Variants in OTOGL observed in about 807,000 individuals in gnomAD.
OTOGL encodes otogelin like.
In OTOGL, 285 loss-of-function variants were observed where a neutral mutation model predicts 318.5. That is an observed-to-expected ratio of 0.89 (90% CI 0.81 to 0.99). The LOEUF is 0.99. Among genes scored for constraint, OTOGL ranks in the 50% least tolerant of loss-of-function variants. OTOGL has a pLI of 0.00. For missense variants in OTOGL, 2,899 were observed against 2,845.6 expected (o/e 1.02, Z -0.43); for synonymous variants, 987 against 936.5 (o/e 1.05, Z -0.99).
Position 80,329,056 on chromosome 12 carries a change from C to T in OTOGL, c.4285C>T (p.Pro1429Ser). The change falls in exon 37 of 59, where the codon CCT becomes TCT. Residue 1429 changes from proline to serine, a missense_variant. Transcript: ENST00000547103. ...LKCVYPRDCI[P>S]VIPTEPTLMP... The stretch of plus-strand genomic sequence containing the variant: ...GCACCTTTGTTTCTTTGTAGGTATA[C>T]CTGTGATTCCCACAGAACCAACATT... 1.3e-6 allele frequency: 2 copies of T among 1,581,818 alleles called. No homozygotes were observed. The highest frequency in any genetic ancestry group is 1.7e-6 in the Non-Finnish European group (2 of 1,169,348).
intron 7 of OTOGL, among the ~76,000 whole-genome samples, chr12:80,224,959 A>T (rs1878692083): frequency 6.6e-6 from 1 of 152,062 alleles, no homozygotes; most frequent in Admixed American, 6.6e-5. Flanking sequence ...TTTCTCCATG[A>T]TGTGATTATG....
In OTOGL at chr12:80,339,298, GTTTTTTTTT is replaced by G. The variant is rs10715159; in HGVS notation, c.5050+51_5050+59del. 998 of 537,928 alleles carry G rather than the reference GTTTTTTTTT, an allele frequency of 1.9e-3. 2 individuals carry two copies. Among genetic ancestry groups the G allele is most frequent in the Non-Finnish European group, 2.3e-3 (887 of 391,148 alleles). 33.3% of individuals were successfully genotyped at this position (537,928 alleles called of 1,614,324 possible). On this transcript the variant is annotated intron_variant, in intron 43 of 58. Transcript: ENST00000547103. ...TGCCCTTCAAATCTTGATTTCGTCT[GTTTTTTTTT>G]TTTTTTTTTTTTTTTTCTATTCACG...
intron 26 of OTOGL, among the ~76,000 whole-genome samples, chr12:80,295,788 T>C (rs541942464): frequency 1.6e-4 from 25 of 152,344 alleles, no homozygotes; most frequent in African/African-American, 6.0e-4. Context: ...ATGTTCGTTT[T>C]ATTTAATTAT....
At position 80,336,463 on chromosome 12, in the gene OTOGL, A is replaced by C. The variant is rs374608830; in HGVS notation, c.4651A>C (p.Asn1551His). The stretch of plus-strand genomic sequence containing the variant: ...GAGCATTATTACATTTGATGGAAAC[A>C]ACGCAGCATTATATAGCATGGCTTC... ...ELSIITFDGN[N>H]AALYSMASYI... Residue 1551 changes from asparagine (N) to histidine (H), a missense_variant, in exon 40 of 59, where the codon AAC becomes CAC. Physicochemically the swap from Asn to His is moderately conservative, Grantham distance 68. Coordinates refer to ENST00000547103, the MANE Select transcript of OTOGL (RefSeq NM_001378609.3). The C allele has an allele frequency of 9.3e-6, 15 of 1,609,518 alleles. No homozygotes were observed. Among genetic ancestry groups the C allele is most frequent in the African/African-American group, 6.7e-5 (5 of 74,804 alleles).
chr12:80,142,771 C>T (rs1356904823), intron 1 of OTOGL, among the ~76,000 whole-genome samples: 6 of 151,862 alleles, frequency 4.0e-5, no homozygotes, highest in Non-Finnish European at 5.9e-5. Context: ...TTGGGCCAAA[C>T]GAGGCAGAGA....
intron 30 of OTOGL, 98 bp from the exon 31 acceptor site, chr12:80,313,378 A>C: frequency 2.5e-6 from 3 of 1,179,964 alleles, no homozygotes; most frequent in Non-Finnish European, 3.6e-6. Flanking sequence ...TTAAGCTGAT[A>C]ATATCAAACT....
chr12:80,326,573 A>G (rs956069375), intron 35 of OTOGL, among the ~76,000 whole-genome samples: 1 of 152,232 alleles, frequency 6.6e-6, no homozygotes, highest in Non-Finnish European at 1.5e-5. Context: ...TTTTGACCCA[A>G]TTAAATAATA....
intron 1 of OTOGL, among the ~76,000 whole-genome samples, chr12:80,116,360 T>C (rs557413480): frequency 6.6e-6 from 1 of 152,068 alleles, no homozygotes; most frequent in South Asian, 2.1e-4. Flanking sequence ...CTGCTTCTGC[T>C]TGCCCTCTGT....
intron 2 of OTOGL, among the ~76,000 whole-genome samples, 184 bp downstream of exon 2, chr12:80,209,694 T>A (rs573788943): frequency 6.6e-6 from 1 of 152,266 alleles, no homozygotes; most frequent in East Asian, 1.9e-4. Context: ...TTGGTTTTCA[T>A]TTTTTGACTC....
chr12:80,183,270 C>T (rs1383830157), intron 1 of OTOGL, among the ~76,000 whole-genome samples: 5 of 152,294 alleles, frequency 3.3e-5, no homozygotes, highest in East Asian at 1.9e-4. Flanking sequence ...CCCTTTCTCT[C>T]TCTCTCAGCA....
rs374634079 is a variant in OTOGL, at chr12:80,368,307, G to A, written c.6613G>A (p.Ala2205Thr). The change falls in exon 55 of 59, where the codon GCG (alanine) becomes ACG (threonine). Residue 2205 changes from alanine (A) to threonine (T), a missense_variant and splice_region_variant. Ala to Thr is a moderately conservative substitution (Grantham distance 58). This residue lies in a region of OTOGL where 289 missense variants were observed against 304.6 expected (regional missense o/e 0.95). Coordinates refer to ENST00000547103, the MANE Select transcript of OTOGL (RefSeq NM_001378609.3). ...GGAAAATGGAACATCAGTTGTATAC[G>A]CGGTATGTTTCATGGAGAGTAATGC... is the stretch of plus-strand genomic sequence containing the variant. Reference protein sequence around the residue: ...HMENGTSVVYAVGSTWHYNCT... With the variant: ...HMENGTSVVYTVGSTWHYNCT... 1.8e-5 allele frequency: 28 copies of A among 1,575,762 alleles called. No individual in the cohort carries two copies. The highest frequency in any genetic ancestry group is 2.3e-5 in the Non-Finnish European group (27 of 1,155,074).
chr12:80,211,339 G>T (rs1373965054), intron 3 of OTOGL, among the ~76,000 whole-genome samples: 1 of 151,610 alleles, frequency 6.6e-6, no homozygotes, highest in African/African-American at 2.4e-5. Flanking sequence ...TCATTTTTTG[G>T]ACTAAACTGA....
intron 4 of OTOGL, among the ~76,000 whole-genome samples, chr12:80,214,112 A>G (rs1189070033): frequency 6.6e-6 from 1 of 152,206 alleles, no homozygotes; most frequent in Non-Finnish European, 1.5e-5. Context: ...TCCTCTTATC[A>G]GTCATGTGAA....
In OTOGL at chr12:80,368,206, A is replaced by G. The variant is rs1438178351; in HGVS notation, c.6512A>G (p.His2171Arg). 2.5e-6 allele frequency: 4 copies of G among 1,586,538 alleles called. No homozygotes were observed. The Admixed American group carries it at 5.2e-5, about 21-fold the overall frequency. ...CTAATCTAATATCATTATATGCAGCACCAGGTATATACTCCATCCCCAAGT... is the reference window on the plus strand; with the variant it reads ...CTAATCTAATATCATTATATGCAGCGCCAGGTATATACTCCATCCCCAAGT... ...LVNCSKKCDVHQVYTPSPSDY... is the reference protein window; with the variant it reads ...LVNCSKKCDVRQVYTPSPSDY... Residue 2171 changes from histidine to arginine, a missense_variant and splice_region_variant, in exon 55 of 59, where the codon CAC becomes CGC. Transcript: ENST00000547103.
chr12:80,366,511 T>TATATATATATCTA (rs1555304842), intron 52 of OTOGL, 63 bp from the exon 53 acceptor site: 1 of 171,304 alleles, frequency 5.8e-6, no homozygotes, highest in African/African-American at 2.6e-5. Flanking sequence ...TATATATAGG[T>TATATATATATCTA]TATATATATA....
chr12:80,367,297 C>T (rs1890601101), intron 53 of OTOGL, among the ~76,000 whole-genome samples: 1 of 151,956 alleles, frequency 6.6e-6, no homozygotes, highest in African/African-American at 2.4e-5. Flanking sequence ...TCTAAACTTG[C>T]TATAAAGTAT....
chr12:80,368,384 C>CCG (rs1890683633), intron 55 of OTOGL, 75 bp downstream of exon 55: 1 of 738,260 alleles, frequency 1.4e-6, no homozygotes, highest in South Asian at 1.7e-5. Context: ...TGGAAAATGT[C>CCG]CCCCCCCACA....
chr12:80,132,509 C>T (rs1871303282), intron 1 of OTOGL: 1 of 152,094 alleles, frequency 6.6e-6, no homozygotes, highest in Non-Finnish European at 1.5e-5. Context: ...ATCCATGCAG[C>T]TAAGACTCAT....
chr12:80,127,822 T>G (rs1040272311), intron 1 of OTOGL, among the ~76,000 whole-genome samples: 11 of 152,242 alleles, frequency 7.2e-5, no homozygotes, highest in Non-Finnish European at 1.5e-4. Context: ...TTTCTTCCAG[T>G]TGATAGAGTC....
Sources: gnomAD v4.1 joint callset for allele counts (sites outside exome capture counted in the v4.1 genomes callset) on GRCh38, gnomAD v4.1.1 for gene constraint, gnomAD v4.1.1 regional missense constraint, MANE v1.5 for transcripts, NCBI Gene and HGNC (gene_info 2026-07-23, HGNC 2026-07-21) for gene names.